Variants in PFKFB4 observed in about 807,000 individuals in gnomAD.
The protein encoded by PFKFB4 is 6-phosphofructo-2-kinase/fructose-2,6-biphosphatase 4, also known as 6-phosphofructo-2-kinase/fructose-2,6-bisphosphatase 4.
A neutral mutation model predicts 62.8 loss-of-function variants in PFKFB4; 42 were observed. The ratio of observed to expected loss-of-function variants is 0.67; its 90% confidence interval spans 0.52 to 0.86. The LOEUF is 0.86. Among genes scored for constraint, PFKFB4 ranks in the 40% least tolerant of loss-of-function variants. The pLI is 0.00. For synonymous variants in PFKFB4, 204 were observed against 240.7 expected (o/e 0.85, Z 1.41); for missense variants, 475 against 627.2 (o/e 0.76, Z 2.59).
upstream of PFKFB4, chr3:48,561,607 G>A (rs1423515620): frequency 6.6e-6 from 1 of 152,514 alleles, no homozygotes; most frequent in Non-Finnish European, 1.5e-5. The surrounding 1 kb of genome is among the most constrained non-coding windows in gnomAD (Gnocchi z 5.2). Context: ...TCGCGGCCTG[G>A]GTGCACACCA....
chr3:48,530,145 C>A (rs1488769000), intron 9 of PFKFB4, among the ~76,000 whole-genome samples: 1 of 151,832 alleles, frequency 6.6e-6, no homozygotes, highest in Non-Finnish European at 1.5e-5. Context: ...CCCAGCTACT[C>A]GGGAGGCTGA....
chr3:48,543,691 C>T (rs747594813), intron 3 of PFKFB4, 45 bp from the exon 4 acceptor site: 4 of 1,535,942 alleles, frequency 2.6e-6, no homozygotes, highest in Non-Finnish European at 3.6e-6. Context: ...CCGACCCTGG[C>T]TCCAGGAGGG....
At position 48,536,637 on chromosome 3, in the gene PFKFB4, C is replaced by A. The variant is rs1404745132; in HGVS notation, c.633-174G>T. 6 of 596,820 alleles carry A rather than the reference C, an allele frequency of 1.0e-5. No individual in the cohort carries two copies. The East Asian group carries it at 1.7e-4, about 17-fold the overall frequency. The allele number at this position is 596,820 out of a possible 1,614,324, so 37.0% of individuals were successfully genotyped here. ...TGATGGGGGTGAGGCGGGAGCAACA[C>A]AGTGCGTGTGACGCACAGGCAAACC... On this transcript the variant is annotated intron_variant, in intron 7 of 13. Coordinates refer to ENST00000232375, the MANE Select transcript of PFKFB4 (RefSeq NM_004567.4).
chr3:48,542,914 C>A (rs2042844435), intron 4 of PFKFB4, among the ~76,000 whole-genome samples: 1 of 152,198 alleles, frequency 6.6e-6, no homozygotes. Context: ...GGATGTGCTT[C>A]AATGAAACAA....
At chr3:48,558,745 C>A (rs2043388277), upstream of PFKFB4, among the ~76,000 whole-genome samples, 1 of 152,238 alleles carries the variant, frequency 6.6e-6, no homozygotes, top group African/African-American at 2.4e-5. Context: ...CAGTATCTAC[C>A]CGCTTATTCC....
chr3:48,550,381 G>A (rs2043102282), intron 1 of PFKFB4, 147 bp from the exon 2 acceptor site: 2 of 635,296 alleles, frequency 3.1e-6, no homozygotes, highest in Non-Finnish European at 2.8e-6. Context: ...CACAGCTCCT[G>A]GAGTGGCCCC....
At position 48,549,952 on chromosome 3, in the gene PFKFB4, C is replaced by A; in HGVS notation, c.223G>T (p.Val75Phe). ...ACCACGTCCCGGCGATACTGGCCAA[C>A]ATTGAACTCTGGAGGGAAGGAGAGG... ...WIGVPTREFNVGQYRRDVVKT... is the reference protein window; with the variant it reads ...WIGVPTREFNFGQYRRDVVKT... Residue 75 changes from valine (V) to phenylalanine (F), a missense_variant, in exon 3 of 14, where the codon GTT becomes TTT. Transcript: ENST00000232375. 1 of 1,612,540 alleles carries A rather than the reference C, an allele frequency of 6.2e-7. No homozygotes were observed.
chr3:48,520,794 A>C (rs1029581352), intron 13 of PFKFB4, among the ~76,000 whole-genome samples: 2 of 152,164 alleles, frequency 1.3e-5, no homozygotes, highest in African/African-American at 4.8e-5. Context: ...CAGCCACACT[A>C]TGGTGATGGA....
At chr3:48,528,736 A>G (rs1248955260) in intron 9 of PFKFB4, among the ~76,000 whole-genome samples, 1 of 152,252 alleles carries the variant, frequency 6.6e-6, no homozygotes, top group Non-Finnish European at 1.5e-5. Context: ...AAAAGTGGCA[A>G]CAACTCAAAT....
intron 1 of PFKFB4, 109 bp from the exon 2 acceptor site, chr3:48,550,343 G>T (rs184495785): frequency 3.6e-4 from 261 of 732,326 alleles, no homozygotes; most frequent in African/African-American, 3.5e-3. Context: ...GGCATCAGAC[G>T]TATCTTCTTG....
At chr3:48,529,383 T>C (rs2042363023) in intron 9 of PFKFB4, among the ~76,000 whole-genome samples, 1 of 152,152 alleles carries the variant, frequency 6.6e-6, no homozygotes, top group Non-Finnish European at 1.5e-5. Flanking sequence ...GGAAAGATGA[T>C]TAATGGATCA....
chr3:48,543,476 C>A, intron 4 of PFKFB4, 104 bp downstream of exon 4: 1 of 1,052,176 alleles, frequency 9.5e-7, no homozygotes, highest in Non-Finnish European at 1.4e-6. Context: ...GCAGCTGGGG[C>A]ACACACACCC....
chr3:48,555,414 C>T (rs997825353), intron 1 of PFKFB4, among the ~76,000 whole-genome samples: 3 of 152,182 alleles, frequency 2.0e-5, no homozygotes, highest in Non-Finnish European at 4.4e-5. Flanking sequence ...GCAGGATGAG[C>T]ACAAAGAACT....
upstream of PFKFB4, chr3:48,561,102 G>A (rs540466258): frequency 2.5e-4 from 326 of 1,282,976 alleles, no homozygotes; most frequent in South Asian, 3.3e-4. The surrounding 1 kb of genome is among the most constrained non-coding windows in gnomAD (Gnocchi z 5.2). Flanking sequence ...GCCTCCTAAC[G>A]AGCCTCTGTC....
At chr3:48,561,863 C>A (rs914550368), upstream of PFKFB4, 2 of 152,312 alleles carry the variant, frequency 1.3e-5, no homozygotes, top group African/African-American at 4.8e-5. The surrounding 1 kb of genome is among the most constrained non-coding windows in gnomAD (Gnocchi z 5.2). Flanking sequence ...GAAAGGTGAA[C>A]ACCTTTGCCC....
chr3:48,524,549 T>G (rs2042197588), intron 10 of PFKFB4, among the ~76,000 whole-genome samples: 1 of 152,254 alleles, frequency 6.6e-6, no homozygotes, highest in South Asian at 2.1e-4. Context: ...AACATGAATT[T>G]CTCAACCAAT....
chr3:48,557,275 C>T (rs1320668918), upstream of PFKFB4, among the ~76,000 whole-genome samples: 1 of 152,110 alleles, frequency 6.6e-6, no homozygotes, highest in African/African-American at 2.4e-5. Context: ...TGCAGTGGGA[C>T]GAGGCCTACG....
At chr3:48,535,725 G>A (rs143664515) in intron 8 of PFKFB4, 67 bp from the exon 9 acceptor site, 284 of 1,589,602 alleles carry the variant, frequency 1.8e-4, no homozygotes, top group Middle Eastern at 1.2e-3. Context: ...TCCCATAGCC[G>A]CAGGGTCCAT....
rs2042089182 is a variant in PFKFB4, at chr3:48,521,340, C to G, written c.1350+646G>C. Among the ~76,000 whole-genome samples, 1 of 152,116 alleles carries G rather than the reference C, an allele frequency of 6.6e-6. No individual in the cohort carries two copies. Among genetic ancestry groups the G allele is most frequent in the African/African-American group, 2.4e-5 (1 of 41,418 alleles). The stretch of plus-strand genomic sequence containing the variant: ...GAGGGAGCCAACATTGTGGAGGGAC[C>G]CCACATGGGACTAAGAGTGGTTCTG... On this transcript the variant is annotated intron_variant, in intron 13 of 13. Transcript: ENST00000232375. This position sits in a 1 kb window ranked among gnomAD's most constrained non-coding sequence, Gnocchi z 5.3.
Sources: gnomAD v4.1 joint callset for allele counts (sites outside exome capture counted in the v4.1 genomes callset) on GRCh38, gnomAD v4.1.1 for gene constraint, Gnocchi (gnomAD v3.1) non-coding constraint, MANE v1.5 for transcripts, NCBI Gene and HGNC (gene_info 2026-07-23, HGNC 2026-07-21) for gene names.